The following KAZN variants were observed in gnomAD, a reference collection of about 807,000 sequenced individuals.
KAZN encodes kazrin, periplakin interacting protein.
A neutral mutation model predicts 87.4 loss-of-function variants in KAZN; 40 were observed. The ratio of observed to expected loss-of-function variants is 0.46; its 90% CI spans 0.36 to 0.60. The LOEUF (loss-of-function observed/expected upper bound fraction) is 0.60. Ranked by LOEUF, KAZN falls within the 20% of genes least tolerant of loss-of-function variation. KAZN has a pLI of 0.00. For missense variants in KAZN, 898 were observed against 1,073.9 expected, an observed-to-expected ratio of 0.84 and a Z score of 2.29; for synonymous variants, 466 against 458.3, an observed-to-expected ratio of 1.02 and a Z score of -0.22.
chr1:14,134,848 A>G (rs1302307004), intron 1 of KAZN, among the ~76,000 whole-genome samples: 2 of 152,110 alleles, frequency 1.3e-5, no homozygotes, highest in Non-Finnish European at 2.9e-5. Context: ...CGGAAAATGG[A>G]AAGACAGAAA....
chr1:14,261,368 A>T (rs772395876), intron 2 of KAZN, among the ~76,000 whole-genome samples: 14 of 152,200 alleles, frequency 9.2e-5, no homozygotes, highest in Non-Finnish European at 1.5e-4. Flanking sequence ...CATCGCCATC[A>T]ATTTATGATT....
intron 2 of KAZN, among the ~76,000 whole-genome samples, chr1:14,567,933 A>G (rs1231989513): frequency 2.0e-5 from 3 of 152,338 alleles, no homozygotes; most frequent in Non-Finnish European, 2.9e-5. Flanking sequence ...GTACACAGCT[A>G]TATAAACCCC....
rs1676018948 is a variant in KAZN, at chr1:14,588,929, A to G, written c.250-10054A>G. 2.6e-5 allele frequency among the ~76,000 whole-genome samples: 4 copies of G among 152,142 alleles called. 1 individual carries two copies. The South Asian group carries it at 8.3e-4, about 32-fold the overall frequency. On this transcript the variant is annotated intron_variant, in intron 2 of 16. Transcript: ENST00000636203. Reference sequence around the variant, plus strand: ...GGTACGTTCTTGCACTTGCGGTCCCAGTGTTTTGAGGACCTAGGCGTGGAG... The same window carrying G: ...GGTACGTTCTTGCACTTGCGGTCCCGGTGTTTTGAGGACCTAGGCGTGGAG...
At chr1:14,267,505 A>C (rs552214562) in intron 2 of KAZN, among the ~76,000 whole-genome samples, 15 of 152,254 alleles carry the variant, frequency 9.9e-5, no homozygotes, top group Non-Finnish European at 5.9e-5. Context: ...ACATGGGAGG[A>C]TGTTCCTTGG....
At position 15,114,571 on chromosome 1, in the gene KAZN, C is replaced by T. The variant is rs536173436; in HGVS notation, c.2264C>T (p.Pro755Leu). The T allele has an allele frequency of 1.9e-4, 311 of 1,606,352 alleles. 1 individual carries two copies. The South Asian group carries it at 3.3e-3, about 17-fold the overall frequency. The change falls in exon 15 of 15, where the codon CCC becomes CTC. Residue 755 changes from proline to leucine, a missense_variant. Pro to Leu is a moderately conservative substitution (Grantham distance 98, BLOSUM62 -3). Around this residue, in one of 3 missense-constraint regions of KAZN, gnomAD observed 127 missense variants for 121.5 expected, o/e 1.04. Coordinates refer to ENST00000376030, the MANE Select transcript of KAZN (RefSeq NM_201628.3). ...AACGAAGATTGCGGAGACGATGACCCCCAGAGCAGGCTGGAACAGTGCCGT... is the reference window on the plus strand; with the variant it reads ...AACGAAGATTGCGGAGACGATGACCTCCAGAGCAGGCTGGAACAGTGCCGT... The part of the protein sequence containing the change: ...LQNEDCGDDD[P>L]QSRLEQCRLE...
intron 2 of KAZN, among the ~76,000 whole-genome samples, chr1:14,556,879 C>A (rs1005383077): frequency 1.3e-5 from 2 of 152,176 alleles, no homozygotes; most frequent in Admixed American, 6.5e-5. Context: ...TCCCGAGGAC[C>A]CTTGCATGGC....
At chr1:14,977,293 T>C (rs1163959648) in intron 2 of KAZN, among the ~76,000 whole-genome samples, 1 of 152,158 alleles carries the variant, frequency 6.6e-6, no homozygotes, top group East Asian at 1.9e-4. Context: ...AGGGACGTAG[T>C]AGGGACAATT....
intron 1 of KAZN, among the ~76,000 whole-genome samples, chr1:14,104,998 C>G (rs1173737555): frequency 6.6e-6 from 1 of 152,116 alleles, no homozygotes; most frequent in African/African-American, 2.4e-5. Context: ...TTAAATATCT[C>G]CCTTATCTGT....
chr1:14,794,595 C>T (rs1645775807), intron 1 of KAZN, among the ~76,000 whole-genome samples: 1 of 152,182 alleles, frequency 6.6e-6, no homozygotes, highest in African/African-American at 2.4e-5. Context: ...AATACTTAAG[C>T]TACTTACTTG....
intron 1 of KAZN, among the ~76,000 whole-genome samples, chr1:14,792,370 A>G (rs138069488): frequency 8.0e-4 from 122 of 152,346 alleles, no homozygotes; most frequent in Admixed American, 6.7e-3. Context: ...GGTGTGGTCA[A>G]TCCATGCAGT....
At chr1:14,257,960 AAAAAAAAAAAAAGAG>A (rs1199088738) in intron 2 of KAZN, among the ~76,000 whole-genome samples, 6 of 69,098 alleles carry the variant, frequency 8.7e-5, no homozygotes, top group South Asian at 4.5e-4. Context: ...AAAAAACATT[AAAAAAAAAAAAAGAG>A]AAAAAAAAAA....
rs1172511471 is a variant in KAZN, at chr1:15,021,809, C to A, written c.419-12940C>A. ...AGCCCTTTCTCATTGGAAGCCCTGG[C>A]TCCTGGCATCTGTATGAGTTCGTTT... On this transcript the variant is annotated intron_variant, in intron 2 of 14. Transcript: ENST00000376030. The surrounding 1 kb of genome is among the most constrained non-coding windows in gnomAD (Gnocchi z 4.2). Among the ~76,000 whole-genome samples the A allele has an allele frequency of 6.6e-6, 1 of 152,194 alleles. No individual in the cohort carries two copies. The highest frequency in any genetic ancestry group is 1.5e-5 in the Non-Finnish European group (1 of 68,026).
At chr1:15,037,559 G>T (rs1032157441) in intron 3 of KAZN, among the ~76,000 whole-genome samples, 1 of 152,070 alleles carries the variant, frequency 6.6e-6, no homozygotes, top group Non-Finnish European at 1.5e-5. Context: ...GGAAAGCAAG[G>T]GGGGTAGGGG....
rs12088798 is a variant in KAZN, at chr1:14,562,082, C to T, written c.250-36901C>T. ...TTACTTACCAGGCAAGTGGAAGTGGCAATCTCTTAAGCTTTTATTAGGTAA... is the reference window on the plus strand; with the variant it reads ...TTACTTACCAGGCAAGTGGAAGTGGTAATCTCTTAAGCTTTTATTAGGTAA... On this transcript the variant is annotated intron_variant, in intron 2 of 16. Coordinates refer to the KAZN transcript ENST00000636203. Among the ~76,000 whole-genome samples, 576 of 152,248 alleles carry T rather than the reference C, an allele frequency of 3.8e-3. 4 individuals carry two copies. The highest frequency in any genetic ancestry group is 0.013 in the African/African-American group (553 of 41,540).
chr1:14,218,438 T>G (rs535631390), intron 2 of KAZN, among the ~76,000 whole-genome samples: 1 of 152,242 alleles, frequency 6.6e-6, no homozygotes, highest in African/African-American at 2.4e-5. Context: ...TCTTGGGAAA[T>G]TAGAGGATTC....
chr1:13,941,488 C>T (rs547667026), intron 1 of KAZN, among the ~76,000 whole-genome samples: 381 of 152,258 alleles, frequency 2.5e-3, no homozygotes, highest in African/African-American at 8.5e-3. Flanking sequence ...ACATCAGTAA[C>T]CCAAACCTTG....
intron 1 of KAZN, among the ~76,000 whole-genome samples, chr1:14,783,169 G>A (rs1461419778): frequency 2.0e-5 from 3 of 152,164 alleles, no homozygotes; most frequent in Non-Finnish European, 4.4e-5. Flanking sequence ...GATATTTGGA[G>A]TTTGCTACTC....
chr1:15,074,916 CCTT>C (rs1639671856), intron 8 of KAZN, among the ~76,000 whole-genome samples: 1 of 152,200 alleles, frequency 6.6e-6, no homozygotes, highest in Non-Finnish European at 1.5e-5. Context: ...GCGCAATAAA[CCTT>C]AGCCACCATG....
chr1:14,379,347 T>C (rs1434248210), intron 2 of KAZN, among the ~76,000 whole-genome samples: 3 of 151,816 alleles, frequency 2.0e-5, no homozygotes, highest in East Asian at 1.9e-4. Flanking sequence ...CTCCTTCCGA[T>C]TGAGAAAAGT....
Sources: gnomAD v4.1 joint callset for allele counts (sites outside exome capture counted in the v4.1 genomes callset) on GRCh38, gnomAD v4.1.1 for gene constraint, gnomAD v4.1.1 regional missense constraint, Gnocchi (gnomAD v3.1) non-coding constraint, MANE v1.5 for transcripts, NCBI Gene and HGNC (gene_info 2026-07-23, HGNC 2026-07-21) for gene names.